STRN3: variants seen among roughly 807,000 people sequenced by gnomAD.
The protein encoded by STRN3 is striatin-3.
In STRN3, 29 loss-of-function variants were observed where a neutral mutation model predicts 95.6. The observed-to-expected ratio is 0.30, with a 90% confidence interval of 0.23 to 0.41. The LOEUF (loss-of-function observed/expected upper bound fraction) is 0.41. STRN3 is among the 10% of genes least tolerant of loss of function. STRN3 has a pLI of 1.00. For synonymous variants in STRN3, 331 were observed against 357.6 expected, an observed-to-expected ratio of 0.93 and a Z score of 0.84; for missense variants, 890 against 972.1, an observed-to-expected ratio of 0.92 and a Z score of 1.12.
chr14:30,953,821 G>C (rs1299793965), intron 3 of STRN3, among the ~76,000 whole-genome samples: 1 of 152,104 alleles, frequency 6.6e-6, no homozygotes, highest in African/African-American at 2.4e-5. Flanking sequence ...GTAGAGATGA[G>C]GTTTTGCCAT....
chr14:30,987,894 T>C (rs2139249424), intron 1 of STRN3, among the ~76,000 whole-genome samples: 1 of 152,134 alleles, frequency 6.6e-6, no homozygotes, highest in South Asian at 2.1e-4. Flanking sequence ...TGTGCCACCA[T>C]GCCCAGCTAA....
At chr14:30,936,352 A>T (rs1252336287) in intron 6 of STRN3, 143 bp downstream of exon 6, 1 of 930,464 alleles carries the variant, frequency 1.1e-6, no homozygotes, top group African/African-American at 1.7e-5. Context: ...TGTAATGCAA[A>T]AAGAGCTGAC....
chr14:30,913,165 C>T (rs1424439292), intron 10 of STRN3, among the ~76,000 whole-genome samples: 1 of 151,998 alleles, frequency 6.6e-6, no homozygotes, highest in Non-Finnish European at 1.5e-5. Flanking sequence ...AAAAATAAAA[C>T]ATGCTTTTTA....
chr14:30,904,123 T>C (rs1038543968), intron 15 of STRN3, among the ~76,000 whole-genome samples: 18 of 152,156 alleles, frequency 1.2e-4, no homozygotes, highest in Admixed American at 5.9e-4. Flanking sequence ...AACTGTAGTC[T>C]CTAAATACCA....
intron 5 of STRN3, among the ~76,000 whole-genome samples, chr14:30,941,841 G>C (rs1461446247): frequency 6.6e-6 from 1 of 151,778 alleles, no homozygotes; most frequent in African/African-American, 2.4e-5. Flanking sequence ...GGCTGGTCTG[G>C]TCTCAAACTC....
chr14:30,980,326 C>A (rs760343314), intron 1 of STRN3, among the ~76,000 whole-genome samples: 1 of 152,128 alleles, frequency 6.6e-6, no homozygotes, highest in Admixed American at 6.6e-5. Flanking sequence ...AGGTCACCAG[C>A]GTAAAACTTT....
chr14:31,002,754 T>C (rs935343998), intron 1 of STRN3, among the ~76,000 whole-genome samples: 2 of 152,116 alleles, frequency 1.3e-5, no homozygotes, highest in African/African-American at 4.8e-5. Flanking sequence ...TTTGTATGTA[T>C]GAGTCCACTT....
Position 30,894,908 on chromosome 14 carries a change from T to C in STRN3, c.*503A>G. The C allele has an allele frequency of 9.5e-7, 1 of 1,054,582 alleles. No individual in the cohort carries two copies. Among genetic ancestry groups the C allele is most frequent in the Non-Finnish European group, 1.2e-6 (1 of 821,580 alleles). 65.3% of individuals were successfully genotyped at this position (1,054,582 alleles called of 1,614,324 possible). On this transcript the variant is annotated 3_prime_UTR_variant, in exon 18 of 18. Transcript: ENST00000357479. ...TTTTCTTTTTCTTTTTTTTTTTTTTTAAAGCAAAATAAGTTTAAAAGGGAA... is the reference window on the plus strand; with the variant it reads ...TTTTCTTTTTCTTTTTTTTTTTTTTCAAAGCAAAATAAGTTTAAAAGGGAA...
chr14:30,898,788 G>A (rs1343061795), intron 16 of STRN3, among the ~76,000 whole-genome samples: 1 of 152,208 alleles, frequency 6.6e-6, no homozygotes, highest in East Asian at 1.9e-4. Context: ...AATAAAGGCT[G>A]GACAGATGCC....
At chr14:30,908,385 T>C (rs1172752319) in intron 13 of STRN3, among the ~76,000 whole-genome samples, 1 of 152,196 alleles carries the variant, frequency 6.6e-6, no homozygotes, top group Non-Finnish European at 1.5e-5. Flanking sequence ...CCCTACACTA[T>C]CAAATTTAAT....
At chr14:30,947,464 T>C (rs1435535385) in intron 4 of STRN3, among the ~76,000 whole-genome samples, 1 of 152,122 alleles carries the variant, frequency 6.6e-6, no homozygotes, top group African/African-American at 2.4e-5. Flanking sequence ...AAGCATATAG[T>C]ATGGTTAACA....
At chr14:30,968,736 T>G (rs1045662518) in intron 1 of STRN3, among the ~76,000 whole-genome samples, 36 of 141,390 alleles carry the variant, frequency 2.5e-4, no homozygotes, top group Admixed American at 7.3e-4. Context: ...GTCTAAGAAT[T>G]ATCTGTGAAA....
chr14:30,913,701 A>T, intron 9 of STRN3, 44 bp from the exon 10 acceptor site: 1 of 1,585,470 alleles, frequency 6.3e-7, no homozygotes, highest in Non-Finnish European at 8.6e-7. Context: ...AAAATCATAC[A>T]GTACAAGACA....
chr14:30,975,536 C>A (rs915317609), intron 1 of STRN3, among the ~76,000 whole-genome samples: 3 of 98,486 alleles, frequency 3.0e-5, no homozygotes, highest in Non-Finnish European at 7.1e-5. Context: ...CCTATTCCCC[C>A]CTACTGAAAA....
intron 1 of STRN3, among the ~76,000 whole-genome samples, chr14:30,976,991 G>A (rs1358839203): frequency 6.6e-6 from 1 of 151,682 alleles, no homozygotes. Flanking sequence ...TTGGGAGGCC[G>A]AGGCAGGCGG....
intron 6 of STRN3, among the ~76,000 whole-genome samples, 194 bp from the exon 7 acceptor site, chr14:30,935,498 C>T (rs1878774393): frequency 1.3e-5 from 2 of 152,180 alleles, no homozygotes; most frequent in African/African-American, 4.8e-5. Flanking sequence ...CAAGATTGAT[C>T]TAAGTAATGT....
intron 1 of STRN3, among the ~76,000 whole-genome samples, chr14:30,987,356 A>G (rs1234494346): frequency 6.6e-6 from 1 of 151,992 alleles, no homozygotes; most frequent in African/African-American, 2.4e-5. Context: ...AAATACAAAA[A>G]ATTAGCTGGG....
In STRN3 at chr14:31,013,570, C is replaced by T. The variant is rs906901970; in HGVS notation, c.282+12334G>A. 1.6e-4 allele frequency among the ~76,000 whole-genome samples: 24 copies of T among 152,064 alleles called. No homozygotes were observed. In the East Asian group the frequency reaches 4.4e-3, roughly 28 times the overall value. On this transcript the variant is annotated intron_variant, in intron 1 of 17. Transcript: ENST00000357479. ...AGACAGGATCATGGTGAGTATAAGA[C>T]TTAATTTTGAACCACATATTACTTA...
intron 1 of STRN3, among the ~76,000 whole-genome samples, chr14:31,010,007 G>A (rs972399658): frequency 1.3e-5 from 2 of 152,110 alleles, no homozygotes; most frequent in African/African-American, 4.8e-5. Flanking sequence ...GGAGGCTGAG[G>A]CAGGAGGATT....
Sources: allele counts gnomAD v4.1 joint callset (sites outside exome capture counted in the v4.1 genomes callset), GRCh38; gene constraint gnomAD v4.1.1; transcripts MANE v1.5; gene names NCBI Gene and HGNC (gene_info 2026-07-23, HGNC 2026-07-21).